The following PID1 variants were observed in gnomAD, a reference collection of about 807,000 sequenced individuals.
PID1 encodes PTB-containing, cubilin and LRP1-interacting protein.
PID1 carries 10 observed loss-of-function variants against 19.1 expected under a neutral mutation model. That is an observed-to-expected ratio of 0.52 (90% confidence interval 0.32 to 0.89). The LOEUF is 0.89. Ranked by LOEUF, PID1 falls within the 40% of genes least tolerant of loss-of-function variation. The probability of loss-of-function intolerance (pLI) is 0.03; values close to 1 mark genes in which losing one functional copy is unlikely to be tolerated. For missense variants in PID1, 248 were observed against 285.3 expected (o/e 0.87, Z 0.94); for synonymous variants, 130 against 116.0 (o/e 1.12, Z -0.78).
At chr2:229,204,911 T>C (rs1168648902) in intron 1 of PID1, among the ~76,000 whole-genome samples, 1 of 152,122 alleles carries the variant, frequency 6.6e-6, no homozygotes, top group Non-Finnish European at 1.5e-5. Context: ...GTGTGAAACT[T>C]CTCAGATTAC....
chr2:229,137,679 T>C (rs1689884548), intron 2 of PID1, among the ~76,000 whole-genome samples: 1 of 152,196 alleles, frequency 6.6e-6, no homozygotes. Context: ...AGCAGACTCT[T>C]CTACTTAGAA....
intron 2 of PID1, among the ~76,000 whole-genome samples, chr2:229,051,323 T>C (rs1252533509): frequency 6.6e-6 from 1 of 152,152 alleles, no homozygotes; most frequent in Non-Finnish European, 1.5e-5. Context: ...GTTATTATCA[T>C]GTGAATTATG....
chr2:229,241,010 T>C (rs763512308), intron 1 of PID1, among the ~76,000 whole-genome samples: 10 of 152,294 alleles, frequency 6.6e-5, no homozygotes, highest in Non-Finnish European at 1.3e-4. Context: ...CAAAATTTTC[T>C]ATTTTAGATA....
chr2:229,142,935 T>A (rs960238813), intron 2 of PID1, among the ~76,000 whole-genome samples: 11 of 150,098 alleles, frequency 7.3e-5, no homozygotes, highest in Admixed American at 5.3e-4. Flanking sequence ...AGCAAAGACT[T>A]GGAACCAACC....
intron 2 of PID1, among the ~76,000 whole-genome samples, chr2:229,138,342 T>C (rs1360124618): frequency 6.6e-6 from 1 of 152,178 alleles, no homozygotes. Context: ...GCAGTTTCCC[T>C]CTTCTATCTG....
At chr2:229,108,148 G>T (rs1208226061) in intron 2 of PID1, among the ~76,000 whole-genome samples, 1 of 152,222 alleles carries the variant, frequency 6.6e-6, no homozygotes, top group Non-Finnish European at 1.5e-5. Flanking sequence ...TCCATTTATT[G>T]AATACACTAT....
chr2:229,195,095 A>G (rs1335105500), intron 1 of PID1, among the ~76,000 whole-genome samples: 1 of 151,944 alleles, frequency 6.6e-6, no homozygotes, highest in Admixed American at 6.6e-5. Context: ...ATACAAATTT[A>G]TCTGCATCGT....
intron 2 of PID1, among the ~76,000 whole-genome samples, chr2:229,034,982 C>T (rs1371291864): frequency 1.3e-5 from 2 of 152,042 alleles, no homozygotes; most frequent in Non-Finnish European, 2.9e-5. Context: ...GGGCCCATGT[C>T]TCCCAACTCT....
At chr2:229,037,583 C>T (rs747596110) in intron 2 of PID1, among the ~76,000 whole-genome samples, 9 of 152,230 alleles carry the variant, frequency 5.9e-5, no homozygotes, top group Non-Finnish European at 1.2e-4. Flanking sequence ...AAGACAGAAG[C>T]GATTTATCTT....
chr2:229,053,351 T>C (rs1044610629), intron 2 of PID1, among the ~76,000 whole-genome samples: 12 of 152,210 alleles, frequency 7.9e-5, no homozygotes, highest in African/African-American at 2.9e-4. Flanking sequence ...GATTAGAGAA[T>C]GAAAAACAAG....
chr2:229,238,318 T>C (rs1203741974), intron 1 of PID1, among the ~76,000 whole-genome samples: 10 of 152,178 alleles, frequency 6.6e-5, no homozygotes, highest in Admixed American at 3.3e-4. Flanking sequence ...TCCAACTTTA[T>C]ACTATATTCG....
chr2:229,183,282 G>T (rs1386920482), intron 1 of PID1, among the ~76,000 whole-genome samples: 1 of 152,304 alleles, frequency 6.6e-6, no homozygotes, highest in Non-Finnish European at 1.5e-5. Flanking sequence ...TTCTTCGTTA[G>T]GAACCAACCC....
chr2:229,111,211 ATTAGCAGTG>A (rs1559237700), intron 2 of PID1, among the ~76,000 whole-genome samples: 1 of 152,132 alleles, frequency 6.6e-6, no homozygotes, highest in Non-Finnish European at 1.5e-5. Flanking sequence ...GTATGTCTTT[ATTAGCAGTG>A]AGAATGGACT....
At chr2:229,129,397 G>A (rs1396724505) in intron 2 of PID1, among the ~76,000 whole-genome samples, 2 of 140,694 alleles carry the variant, frequency 1.4e-5, no homozygotes, top group East Asian at 4.2e-4. Context: ...CTGGGCAACA[G>A]AGCAAGACTC....
intron 1 of PID1, among the ~76,000 whole-genome samples, chr2:229,207,551 G>A (rs58293308): frequency 0.27 from 39,905 of 148,866 alleles, 6,314 homozygotes; most frequent in East Asian, 0.63. Flanking sequence ...AGCTGGGTTT[G>A]AATCGTTGCT....
chr2:229,238,655 C>T (rs6747101), intron 1 of PID1, among the ~76,000 whole-genome samples: 71,522 of 151,934 alleles, frequency 0.47, 17,167 homozygotes, highest in African/African-American at 0.51. Flanking sequence ...TACAAAGACA[C>T]GAACTTTCAC....
chr2:229,117,071 G>A (rs943962821), intron 2 of PID1, among the ~76,000 whole-genome samples: 13 of 152,078 alleles, frequency 8.5e-5, no homozygotes, highest in Admixed American at 6.5e-4. Flanking sequence ...ATTTATATGT[G>A]AATAGCTCAG....
intron 2 of PID1, among the ~76,000 whole-genome samples, chr2:229,125,085 T>C (rs2106161713): frequency 6.6e-6 from 1 of 152,340 alleles, no homozygotes; most frequent in Middle Eastern, 3.4e-3. Context: ...GACTTTACTC[T>C]TTCAAGTTAG....
intron 2 of PID1, among the ~76,000 whole-genome samples, chr2:229,142,321 G>A (rs143260357): frequency 6.6e-6 from 1 of 152,098 alleles, no homozygotes; most frequent in African/African-American, 2.4e-5. Flanking sequence ...TAGCAAGTTA[G>A]AGAGGATTTA....
Sources: gnomAD v4.1 joint callset for allele counts (sites outside exome capture counted in the v4.1 genomes callset) on GRCh38, gnomAD v4.1.1 for gene constraint, MANE v1.5 for transcripts, NCBI Gene and HGNC (gene_info 2026-07-23, HGNC 2026-07-21) for gene names.